The following ACAP2 variants were observed in gnomAD, a reference collection of about 807,000 sequenced individuals.
ACAP2 encodes ArfGAP with coiled-coil, ankyrin repeat and PH domains 2.
In ACAP2, 39 loss-of-function variants were observed where a neutral mutation model predicts 115.8. The ratio of observed to expected loss-of-function variants is 0.34; its 90% CI spans 0.26 to 0.44. ACAP2 has a LOEUF of 0.44. ACAP2 is among the 20% of genes least tolerant of loss of function. ACAP2 has a pLI of 1.00. For missense variants in ACAP2, 662 were observed against 927.6 expected (o/e 0.71, Z 3.72); for synonymous variants, 289 against 315.8 (o/e 0.92, Z 0.90).
At chr3:195,280,013 A>G (rs1234749335) in intron 22 of ACAP2, among the ~76,000 whole-genome samples, 1 of 152,094 alleles carries the variant, frequency 6.6e-6, no homozygotes, top group East Asian at 1.9e-4. Context: ...TAAACTCATA[A>G]AATAAAAATC....
chr3:195,381,981 G>C lies in ACAP2; in HGVS notation c.153C>G (p.Ala51=), dbSNP rs1368090188. 2.5e-6 allele frequency: 4 copies of C among 1,610,804 alleles called. No homozygotes were observed. The African/African-American group carries it at 5.4e-5, about 22-fold the overall frequency. The change falls in exon 3 of 23, where the codon GCC becomes GCG. Residue 51 remains alanine, a synonymous_variant. Coordinates refer to ENST00000326793, the MANE Select transcript of ACAP2 (RefSeq NM_012287.6). ...LCIAMIDTGK[A]FCVANKQFMN... ...TGAACTGTTTATTTGCAACACAAAAGGCTTTTCCAGTATCAATCATTGCAA... is the reference window on the plus strand; with the variant it reads ...TGAACTGTTTATTTGCAACACAAAACGCTTTTCCAGTATCAATCATTGCAA...
chr3:195,276,079 G>A lies in ACAP2; in HGVS notation c.*3249C>T, dbSNP rs1726178273. 1 of 152,598 alleles carries A rather than the reference G, an allele frequency of 6.6e-6. No homozygotes were observed. Among genetic ancestry groups the A allele is most frequent in the African/African-American group, 2.4e-5 (1 of 41,434 alleles). 9.5% of individuals were successfully genotyped at this position (152,598 alleles called of 1,614,324 possible). A position where few individuals can be genotyped will look rare whatever the true frequency, so the allele number is the denominator to read the frequency against. The stretch of plus-strand genomic sequence containing the variant: ...GATCTGGGAATGTCTGTTCAAAACG[G>A]TAGTAAATTTAGTCTTAAACACAAT... On this transcript the variant is annotated 3_prime_UTR_variant, in exon 23 of 23. Coordinates refer to ENST00000326793, the MANE Select transcript of ACAP2 (RefSeq NM_012287.6).
At chr3:195,328,562 C>T (rs1046484324) in intron 8 of ACAP2, among the ~76,000 whole-genome samples, 3 of 152,098 alleles carry the variant, frequency 2.0e-5, no homozygotes, top group Admixed American at 6.5e-5. Flanking sequence ...GTACATGGTG[C>T]GCTAGAAAAA....
At chr3:195,367,713 A>ATCAC (rs1160466765) in intron 4 of ACAP2, among the ~76,000 whole-genome samples, 2 of 152,204 alleles carry the variant, frequency 1.3e-5, no homozygotes, top group African/African-American at 4.8e-5. Flanking sequence ...AAGGCCAACT[A>ATCAC]TCACATTAAG....
rs768081979 is a variant in ACAP2, at chr3:195,333,048, T to G, written c.649A>C (p.Met217Leu). 2 of 1,609,110 alleles carry G rather than the reference T, an allele frequency of 1.2e-6. No individual in the cohort carries two copies. The change falls in exon 8 of 23, where the codon ATG becomes CTG. Residue 217 changes from methionine to leucine, a missense_variant. By Grantham distance (15) the Met-to-Leu change is conservative. This residue lies in a region of ACAP2 where 401 missense variants were observed against 604.4 expected (regional missense o/e 0.66). Transcript: ENST00000326793. The stretch of plus-strand genomic sequence containing the variant: ...ATTACCTGTGCACCAAGATCCTTCA[T>G]GTAGGGTCCAAGTTCACTAAACAGA... ...YDLFSELGPY[M>L]KDLGAQLDRL...
chr3:195,430,873 C>A (rs62288441), intron 1 of ACAP2, among the ~76,000 whole-genome samples: 4 of 152,038 alleles, frequency 2.6e-5, no homozygotes, highest in African/African-American at 7.3e-5. Context: ...ACGCTTCAAA[C>A]CTTTTTCAGT....
intron 4 of ACAP2, among the ~76,000 whole-genome samples, chr3:195,377,403 C>G (rs537682051): frequency 3.9e-5 from 6 of 151,956 alleles, no homozygotes; most frequent in African/African-American, 1.4e-4. Context: ...CCTCAGCCTC[C>G]CAAAGTGCTG....
intron 4 of ACAP2, among the ~76,000 whole-genome samples, chr3:195,356,862 T>G (rs1732005695): frequency 6.6e-6 from 1 of 151,580 alleles, no homozygotes. Context: ...CAGCTAAGAC[T>G]CAGACATGCA....
intron 2 of ACAP2, among the ~76,000 whole-genome samples, chr3:195,387,707 C>T (rs1323776153): frequency 1.3e-5 from 2 of 152,128 alleles, no homozygotes; most frequent in African/African-American, 2.4e-5. Context: ...TCGCCTGCCT[C>T]GGCCTCCCAA....
intron 1 of ACAP2, 32 bp from the exon 2 acceptor site, chr3:195,392,179 C>T (rs776879059): frequency 1.3e-5 from 20 of 1,556,780 alleles, no homozygotes; most frequent in African/African-American, 8.2e-5. Context: ...TAAGTTATTT[C>T]GTTTGTTTAA....
chr3:195,349,343 T>A (rs1057211925), intron 4 of ACAP2, among the ~76,000 whole-genome samples: 2 of 151,868 alleles, frequency 1.3e-5, no homozygotes, highest in Non-Finnish European at 2.9e-5. Flanking sequence ...CAGCCGGGCG[T>A]GGTGGCACAT....
chr3:195,355,659 T>C (rs1200192292), intron 4 of ACAP2, among the ~76,000 whole-genome samples: 3 of 152,194 alleles, frequency 2.0e-5, no homozygotes, highest in South Asian at 2.1e-4. Context: ...TCCTCATACA[T>C]GTATGACCAC....
intron 11 of ACAP2, among the ~76,000 whole-genome samples, chr3:195,307,598 A>G (rs536112123): frequency 6.6e-6 from 1 of 152,272 alleles, no homozygotes; most frequent in East Asian, 1.9e-4. Context: ...AATAAATGTT[A>G]ATGTTCTGTG....
At chr3:195,337,375 T>G (rs750373167) in intron 6 of ACAP2, among the ~76,000 whole-genome samples, 2 of 151,956 alleles carry the variant, frequency 1.3e-5, no homozygotes, top group Non-Finnish European at 2.9e-5. Flanking sequence ...TGCAATAGGC[T>G]ATGAATTAGT....
chr3:195,393,522 T>C (rs1325665492), intron 1 of ACAP2, among the ~76,000 whole-genome samples: 1 of 152,128 alleles, frequency 6.6e-6, no homozygotes, highest in Non-Finnish European at 1.5e-5. Context: ...CTGGAGAAAA[T>C]GGAAGGTGCT....
intron 8 of ACAP2, among the ~76,000 whole-genome samples, chr3:195,331,289 C>G (rs1472400297): frequency 6.6e-6 from 1 of 151,974 alleles, no homozygotes; most frequent in Non-Finnish European, 1.5e-5. Flanking sequence ...TCAGTAAATG[C>G]AATTCCCATT....
intron 2 of ACAP2, among the ~76,000 whole-genome samples, chr3:195,387,722 C>G (rs561418879): frequency 5.6e-4 from 86 of 152,310 alleles, no homozygotes; most frequent in African/African-American, 2.0e-3. Flanking sequence ...TCCCAAAGTG[C>G]TAGGATTACA....
intron 1 of ACAP2, chr3:195,412,720 G>A (rs779962376): frequency 1.0e-5 from 3 of 288,628 alleles, no homozygotes; most frequent in Non-Finnish European, 1.4e-5. Context: ...TGTAAAATCA[G>A]TCTTGAAGAT....
intron 4 of ACAP2, among the ~76,000 whole-genome samples, chr3:195,347,091 CA>C (rs970660399): frequency 2.9e-4 from 43 of 146,142 alleles, no homozygotes; most frequent in African/African-American, 1.0e-3. Flanking sequence ...TTATATGCCA[CA>C]AAAAAAAATC....
Sources: allele counts gnomAD v4.1 joint callset (sites outside exome capture counted in the v4.1 genomes callset), GRCh38; gene constraint gnomAD v4.1.1; regional missense constraint gnomAD v4.1.1; transcripts MANE v1.5; gene names NCBI Gene and HGNC (gene_info 2026-07-23, HGNC 2026-07-21).